The following USPL1 variants were observed in gnomAD, a reference collection of about 807,000 sequenced individuals.
The protein encoded by USPL1 is SUMO-specific isopeptidase USPL1.
A neutral mutation model predicts 51.5 loss-of-function variants in USPL1; 27 were observed. That is an observed-to-expected ratio of 0.52 (90% CI 0.39 to 0.72). The LOEUF (loss-of-function observed/expected upper bound fraction) is 0.72, where lower values mean the gene tolerates loss of function less well. USPL1 is among the 30% of genes least tolerant of loss of function. The pLI, the probability that USPL1 is intolerant of heterozygous loss-of-function variation, is 0.00. For missense variants in USPL1, 1,226 were observed against 1,268.0 expected (o/e 0.97, Z 0.50); for synonymous variants, 451 against 459.6 (o/e 0.98, Z 0.24).
chr13:30,651,227 G>T (rs926752988), intron 7 of USPL1, among the ~76,000 whole-genome samples: 13 of 152,108 alleles, frequency 8.5e-5, no homozygotes, highest in African/African-American at 2.9e-4. Context: ...ACATATAATT[G>T]CTCTAGTTGT....
At chr13:30,643,720 C>T (rs749170766) in intron 6 of USPL1, among the ~76,000 whole-genome samples, 13 of 150,696 alleles carry the variant, frequency 8.6e-5, no homozygotes, top group Non-Finnish European at 1.9e-4. Flanking sequence ...AGCGATTCTC[C>T]TTCCTCAGCT....
intron 1 of USPL1, among the ~76,000 whole-genome samples, chr13:30,619,146 G>T (rs2137591829): frequency 6.6e-6 from 1 of 152,256 alleles, no homozygotes; most frequent in South Asian, 2.1e-4. Flanking sequence ...TTGAAGGGAG[G>T]AAGAGCAGTT....
intron 3 of USPL1, among the ~76,000 whole-genome samples, chr13:30,630,446 T>C (rs1348446459): frequency 6.6e-6 from 1 of 152,236 alleles, no homozygotes; most frequent in Non-Finnish European, 1.5e-5. Flanking sequence ...AATTTGAAAA[T>C]ACTTTTAAAA....
At chr13:30,625,017 A>G (rs979234065) in intron 3 of USPL1, among the ~76,000 whole-genome samples, 23 of 152,204 alleles carry the variant, frequency 1.5e-4, no homozygotes, top group Non-Finnish European at 2.9e-4. Context: ...TTCCTGAATA[A>G]ATGTCACTTT....
Position 30,626,110 on chromosome 13 carries a change from G to A in USPL1, c.228+4218G>A, listed in dbSNP as rs529141590. 1.6e-3 allele frequency among the ~76,000 whole-genome samples: 246 copies of A among 152,284 alleles called. 1 individual carries two copies. The highest frequency in any genetic ancestry group is 5.5e-3 in the African/African-American group (228 of 41,546). On this transcript the variant is annotated intron_variant, in intron 3 of 8. Coordinates refer to ENST00000255304, the MANE Select transcript of USPL1 (RefSeq NM_005800.5). ...TGGGTGGATTCTCTTGAGGTCAGGA[G>A]TTCGAGACCAGCCTGGCCAACATGG... is the stretch of plus-strand genomic sequence containing the variant.
chr13:30,621,304 A>G, intron 2 of USPL1, 65 bp downstream of exon 2: 2 of 1,263,890 alleles, frequency 1.6e-6, no homozygotes, highest in Middle Eastern at 1.9e-4. Context: ...TGAGACTTAA[A>G]TTCAATTTTG....
At chr13:30,644,272 A>G (rs1950988229) in intron 6 of USPL1, among the ~76,000 whole-genome samples, 1 of 152,028 alleles carries the variant, frequency 6.6e-6, no homozygotes, top group Non-Finnish European at 1.5e-5. Flanking sequence ...AACAAGAATG[A>G]CACTCCGTCT....
intron 5 of USPL1, among the ~76,000 whole-genome samples, chr13:30,640,884 T>C (rs1950938600): frequency 6.6e-6 from 1 of 152,322 alleles, no homozygotes; most frequent in East Asian, 1.9e-4. Flanking sequence ...AATATAATAC[T>C]GTTTGATTAC....
In USPL1 at chr13:30,657,933, T is replaced by G. The variant is rs772917496; in HGVS notation, c.1856T>G (p.Ile619Ser). 6.2e-7 allele frequency: 1 copy of G among 1,613,882 alleles called. No homozygotes were observed. Among genetic ancestry groups the G allele is most frequent in the Non-Finnish European group, 8.5e-7 (1 of 1,180,044 alleles). ...AAACCTGTAGCAGAAAATACAGGAATTCTCAAAACCAATACTTTGCTATCA... is the reference window on the plus strand; with the variant it reads ...AAACCTGTAGCAGAAAATACAGGAAGTCTCAAAACCAATACTTTGCTATCA... ...ENKPVAENTGILKTNTLLSQE... is the reference protein window; with the variant it reads ...ENKPVAENTGSLKTNTLLSQE... Residue 619 changes from isoleucine (I) to serine (S), a missense_variant, in exon 9 of 9, where the codon ATT (isoleucine) becomes AGT (serine). Transcript: ENST00000255304.
rs1951115846 is a variant in USPL1, at chr13:30,653,297, A to G, written c.1388A>G (p.Asp463Gly). ...AATCATTTTATAACATGGATTTTAG[A>G]TGCTGATGGTAAGTGTTTAGAGGTT... ...ANNHFITWIL[D>G]ADGSWLECDD... Residue 463 changes from aspartate (D) to glycine (G), a missense_variant, in exon 8 of 9, where the codon GAT (aspartate) becomes GGT (glycine). Coordinates refer to ENST00000255304, the MANE Select transcript of USPL1 (RefSeq NM_005800.5). 6.3e-7 allele frequency: 1 copy of G among 1,598,714 alleles called. No individual in the cohort carries two copies. Among genetic ancestry groups the G allele is most frequent in the Non-Finnish European group, 8.6e-7 (1 of 1,169,058 alleles).
intron 8 of USPL1, 142 bp downstream of exon 8, chr13:30,653,447 G>A (rs1339748547): frequency 2.6e-6 from 2 of 778,578 alleles, no homozygotes; most frequent in Non-Finnish European, 3.9e-6. Flanking sequence ...TTTGCCTTCT[G>A]CCCCTCCTCG....
chr13:30,647,684 C>T (rs1223449886), intron 7 of USPL1, among the ~76,000 whole-genome samples: 1 of 152,182 alleles, frequency 6.6e-6, no homozygotes, highest in Non-Finnish European at 1.5e-5. Flanking sequence ...CACACATGTA[C>T]ACAACCTCTC....
intron 5 of USPL1, 23 bp from the exon 6 acceptor site, chr13:30,642,605 A>C: frequency 6.3e-7 from 1 of 1,596,580 alleles, no homozygotes; most frequent in Non-Finnish European, 8.5e-7. Flanking sequence ...TATGAGCAGT[A>C]ATTCTTCCTT....
intron 1 of USPL1, among the ~76,000 whole-genome samples, chr13:30,618,653 C>CT (rs539539014): frequency 2.9e-4 from 44 of 152,240 alleles, no homozygotes; most frequent in African/African-American, 1.0e-3. Context: ...ATTGTGCTAT[C>CT]TAACTGGGTT....
intron 5 of USPL1, among the ~76,000 whole-genome samples, chr13:30,640,325 T>C (rs1950930024): frequency 6.6e-6 from 1 of 152,244 alleles, no homozygotes; most frequent in Non-Finnish European, 1.5e-5. Context: ...ATACTGTTTA[T>C]GCATACAGTG....
At chr13:30,653,960 T>G (rs1446455303) in intron 8 of USPL1, among the ~76,000 whole-genome samples, 1 of 152,260 alleles carries the variant, frequency 6.6e-6, no homozygotes, top group Non-Finnish European at 1.5e-5. Flanking sequence ...TCTTTCACAC[T>G]TCCTATTTTC....
At chr13:30,629,703 C>G (rs1950774570) in intron 3 of USPL1, among the ~76,000 whole-genome samples, 1 of 152,104 alleles carries the variant, frequency 6.6e-6, no homozygotes, top group Non-Finnish European at 1.5e-5. Context: ...CTGGGCTCTT[C>G]ACAGTGTGAT....
intron 3 of USPL1, among the ~76,000 whole-genome samples, chr13:30,623,370 G>T (rs1950669111): frequency 6.6e-6 from 1 of 152,102 alleles, no homozygotes; most frequent in East Asian, 1.9e-4. Context: ...CTTTTACTAT[G>T]GGTGAAACCA....
At chr13:30,619,159 T>G (rs567732850) in intron 1 of USPL1, among the ~76,000 whole-genome samples, 2 of 152,188 alleles carry the variant, frequency 1.3e-5, no homozygotes, top group Non-Finnish European at 2.9e-5. Flanking sequence ...GAGCAGTTAC[T>G]TAGGGTCAAA....
Sources: allele counts gnomAD v4.1 joint callset (sites outside exome capture counted in the v4.1 genomes callset), GRCh38; gene constraint gnomAD v4.1.1; transcripts MANE v1.5; gene names NCBI Gene and HGNC (gene_info 2026-07-23, HGNC 2026-07-21).